RYR2: variants seen among roughly 807,000 people sequenced by gnomAD.
RYR2 encodes ryanodine receptor 2.
Under a neutral mutation model 601.1 loss-of-function variants are expected in RYR2, and 227 were observed. The observed-to-expected ratio is 0.38, with a 90% confidence interval of 0.34 to 0.42. RYR2 has a LOEUF of 0.42. RYR2 is among the 10% of genes least tolerant of loss of function. RYR2 has a pLI of 1.00. For missense variants in RYR2, 4,646 were observed against 6,156.5 expected, an observed-to-expected ratio of 0.75 and a Z score of 8.21; for synonymous variants, 2,223 against 2,175.1, an observed-to-expected ratio of 1.02 and a Z score of -0.61.
intron 97 of RYR2, among the ~76,000 whole-genome samples, 184 bp downstream of exon 97, chr1:237,798,354 AT>A (rs1007582884): frequency 5.3e-5 from 8 of 152,132 alleles, no homozygotes; most frequent in Admixed American, 2.6e-4. Context: ...GAATTATTGG[AT>A]TTTTTTTCTA....
intron 3 of RYR2, among the ~76,000 whole-genome samples, chr1:237,343,496 G>A (rs559645056): frequency 8.9e-4 from 136 of 152,226 alleles, no homozygotes; most frequent in African/African-American, 3.0e-3. Flanking sequence ...TAAATGGAGC[G>A]TGTGCATTGT....
chr1:237,073,644 G>A (rs1356781314), intron 1 of RYR2, among the ~76,000 whole-genome samples: 1 of 152,092 alleles, frequency 6.6e-6, no homozygotes, highest in Admixed American at 6.6e-5. Context: ...GCTGAAGTGG[G>A]CGGACACCTG....
At chr1:237,318,271 T>C (rs1164380503) in intron 2 of RYR2, among the ~76,000 whole-genome samples, 1 of 152,120 alleles carries the variant, frequency 6.6e-6, no homozygotes, top group East Asian at 1.9e-4. Context: ...TCCTTCATAC[T>C]CTTTTTTTGT....
At chr1:237,481,100 A>ATATATATATATG (rs1286686565) in intron 17 of RYR2, among the ~76,000 whole-genome samples, 7 of 118,820 alleles carry the variant, frequency 5.9e-5, no homozygotes, top group Admixed American at 2.2e-4. Context: ...TTTTAAGTGT[A>ATATATATATATG]TATATACATA....
intron 50 of RYR2, among the ~76,000 whole-genome samples, chr1:237,650,651 C>T (rs1682639578): frequency 6.6e-6 from 1 of 152,102 alleles, no homozygotes. Context: ...TGAAGTTTTG[C>T]CTGTGAAAGT....
rs577194170 is a variant in RYR2, at chr1:237,331,761, A to G, written c.273+779A>G. On this transcript the variant is annotated intron_variant, in intron 3 of 104. Coordinates refer to ENST00000366574, the MANE Select transcript of RYR2 (RefSeq NM_001035.3). ...GACCTCCTGACCTCGTGATCTGCCC[A>G]CCTTGGCCTCCCAAAGTGCTGGGAT... Among the ~76,000 whole-genome samples, 279 of 150,554 alleles carry G rather than the reference A, an allele frequency of 1.9e-3. 1 individual carries two copies. The highest frequency in any genetic ancestry group is 6.2e-3 in the African/African-American group (254 of 40,940).
intron 1 of RYR2, among the ~76,000 whole-genome samples, chr1:237,153,952 C>T (rs1675021243): frequency 6.6e-6 from 1 of 152,074 alleles, no homozygotes; most frequent in South Asian, 2.1e-4. Flanking sequence ...CAAAAATTTT[C>T]ATTCTAAAGG....
chr1:237,331,604 G>A (rs893263043), intron 3 of RYR2, among the ~76,000 whole-genome samples: 1 of 151,752 alleles, frequency 6.6e-6, no homozygotes. Context: ...CCGGGTTCAT[G>A]CCATTCTCCT....
intron 80 of RYR2, chr1:237,743,770 G>T: frequency 5.3e-6 from 2 of 379,200 alleles, no homozygotes; most frequent in Non-Finnish European, 1.1e-5. Context: ...CAATGCATTT[G>T]GTCTCTTCAG....
intron 84 of RYR2, among the ~76,000 whole-genome samples, chr1:237,763,526 A>G (rs1693597388): frequency 6.6e-6 from 1 of 152,250 alleles, no homozygotes; most frequent in Non-Finnish European, 1.5e-5. Context: ...CTGAATTCAA[A>G]GAGCAGTAGA....
At chr1:237,687,363 CTTCT>C (rs2148967903) in intron 62 of RYR2, 88 bp from the exon 63 acceptor site, 81 of 452,334 alleles carry the variant, frequency 1.8e-4, no homozygotes, top group South Asian at 3.2e-4. Context: ...CTTTTTTCTT[CTTCT>C]TTTTTTTTTT....
At chr1:237,382,474 C>A (rs572525508) in intron 8 of RYR2, among the ~76,000 whole-genome samples, 8 of 151,610 alleles carry the variant, frequency 5.3e-5, no homozygotes, top group African/African-American at 1.7e-4. Flanking sequence ...TGTGCTGCAC[C>A]CATTAACTTG....
At chr1:237,443,806 G>A (rs1708112427) in intron 13 of RYR2, among the ~76,000 whole-genome samples, 2 of 152,106 alleles carry the variant, frequency 1.3e-5, no homozygotes, top group Admixed American at 6.6e-5. Flanking sequence ...AACAGGTGAT[G>A]TGCTGTAGTT....
At chr1:237,832,241 C>A (rs543739152) in intron 104 of RYR2, among the ~76,000 whole-genome samples, 1 of 150,772 alleles carries the variant, frequency 6.6e-6, no homozygotes, top group South Asian at 2.1e-4. Context: ...TTAGTACAGA[C>A]AAGATCTCTT....
intron 10 of RYR2, among the ~76,000 whole-genome samples, chr1:237,390,938 A>G (rs150350070): frequency 2.0e-5 from 3 of 152,290 alleles, no homozygotes; most frequent in African/African-American, 7.2e-5. Context: ...GTGAAATTAG[A>G]TTAAAATGGA....
chr1:237,255,410 T>C lies in RYR2; in HGVS notation c.49-15087T>C, dbSNP rs1049493162. On this transcript the variant is annotated intron_variant, in intron 1 of 104. Coordinates refer to ENST00000366574, the MANE Select transcript of RYR2 (RefSeq NM_001035.3). Reference sequence around the variant, plus strand: ...GTGGATTCCACATAGATGACATCTATATCCAAGCCATTTTAGGCTCTTCAC... The same window carrying C: ...GTGGATTCCACATAGATGACATCTACATCCAAGCCATTTTAGGCTCTTCAC... Among the ~76,000 whole-genome samples, 11 of 152,228 alleles carry C rather than the reference T, an allele frequency of 7.2e-5. No individual in the cohort carries two copies. The East Asian group carries it at 2.1e-3, about 29-fold the overall frequency.
At chr1:237,750,370 A>C (rs1692442992) in intron 80 of RYR2, among the ~76,000 whole-genome samples, 1 of 151,864 alleles carries the variant, frequency 6.6e-6, no homozygotes, top group South Asian at 2.1e-4. Flanking sequence ...AGAATATTTG[A>C]CTCCAAGCTT....
intron 101 of RYR2, among the ~76,000 whole-genome samples, chr1:237,822,904 C>T (rs1451829236): frequency 6.6e-6 from 1 of 152,130 alleles, no homozygotes; most frequent in Non-Finnish European, 1.5e-5. Flanking sequence ...TCTGATAGAA[C>T]AGACTTTAAA....
chr1:237,641,344 A>G (rs752136339), intron 47 of RYR2, among the ~76,000 whole-genome samples: 2 of 152,130 alleles, frequency 1.3e-5, no homozygotes, highest in Non-Finnish European at 2.9e-5. Context: ...AACTGCTCCT[A>G]CCAAAAGTCA....
Sources: gnomAD v4.1 joint callset for allele counts (sites outside exome capture counted in the v4.1 genomes callset) on GRCh38, gnomAD v4.1.1 for gene constraint, MANE v1.5 for transcripts, NCBI Gene and HGNC (gene_info 2026-07-23, HGNC 2026-07-21) for gene names.